SGCD: variants seen among roughly 807,000 people sequenced by gnomAD.
The protein encoded by SGCD is sarcoglycan delta, also known as delta-sarcoglycan.
In SGCD, 18 loss-of-function variants were observed where a neutral mutation model predicts 36.6. The observed-to-expected ratio is 0.49, with a 90% confidence interval of 0.34 to 0.73. The LOEUF (loss-of-function observed/expected upper bound fraction) is 0.73, where lower values mean the gene tolerates loss of function less well. Among genes scored for constraint, SGCD ranks in the 30% least tolerant of loss-of-function variants. The pLI, the probability that SGCD is intolerant of heterozygous loss-of-function variation, is 0.01. For missense variants in SGCD, 387 were observed against 346.7 expected (o/e 1.12, Z -0.92); for synonymous variants, 133 against 130.6 (o/e 1.02, Z -0.12).
chr5:155,827,627 G>C, the SGCD span, among the ~76,000 whole-genome samples: 25 of 150,356 alleles, frequency 1.7e-4, no homozygotes, highest in African/African-American at 5.4e-4. Context: ...TGGGTAATAT[G>C]AGATAATCTT....
the SGCD span, among the ~76,000 whole-genome samples, chr5:155,770,872 C>A: frequency 5.3e-5 from 8 of 152,092 alleles, no homozygotes; most frequent in Non-Finnish European, 8.8e-5. Flanking sequence ...ATTTTCAGTT[C>A]ATTAATCACA....
the SGCD span, among the ~76,000 whole-genome samples, chr5:155,735,362 T>C: frequency 9.5e-3 from 1,448 of 152,314 alleles, 31 homozygotes; most frequent in African/African-American, 0.033. Context: ...ATCTAATTAG[T>C]TGCTCAGAAA....
chr5:156,178,105 T>A (rs1763516217), intron 3 of SGCD, among the ~76,000 whole-genome samples: 1 of 152,162 alleles, frequency 6.6e-6, no homozygotes, highest in Non-Finnish European at 1.5e-5. Flanking sequence ...ATGTTGAATA[T>A]CTCATGTAAT....
intron 1 of SGCD, among the ~76,000 whole-genome samples, chr5:156,069,322 A>G (rs1008601158): frequency 6.6e-6 from 1 of 152,000 alleles, no homozygotes; most frequent in Non-Finnish European, 1.5e-5. Context: ...GAAGGGATCC[A>G]TTTTCAGCTT....
chr5:156,009,356 A>G (rs376785491), intron 1 of SGCD, among the ~76,000 whole-genome samples: 13 of 152,014 alleles, frequency 8.6e-5, no homozygotes, highest in African/African-American at 3.1e-4. Context: ...GGAGGTGCCA[A>G]TTTCTATTGG....
intron 1 of SGCD, among the ~76,000 whole-genome samples, chr5:155,885,742 C>T (rs781563334): frequency 6.6e-6 from 1 of 152,168 alleles, no homozygotes; most frequent in Non-Finnish European, 1.5e-5. Flanking sequence ...ATCAATGTTC[C>T]TTCCATCTCA....
At chr5:155,745,556 A>G in the SGCD span, among the ~76,000 whole-genome samples, 1 of 151,922 alleles carries the variant, frequency 6.6e-6, no homozygotes, top group Admixed American at 6.6e-5. Context: ...TTTATTTAAT[A>G]TTTTTTTCTT....
chr5:156,610,182 C>T lies in SGCD; in HGVS notation c.502+15131C>T, dbSNP rs952783795. 2.6e-5 allele frequency among the ~76,000 whole-genome samples: 4 copies of T among 151,872 alleles called. No homozygotes were observed. In the South Asian group the frequency reaches 8.3e-4, roughly 32 times the overall value. On this transcript the variant is annotated intron_variant, in intron 6 of 8. Coordinates refer to ENST00000337851, the MANE Select transcript of SGCD (RefSeq NM_000337.6). ...TCCCCATCTTTGTAGTTTTATCTAC[C>T]TTTGGTCTTTGATGATGGTGATGTA...
chr5:156,010,273 G>T (rs1273562085), intron 1 of SGCD, among the ~76,000 whole-genome samples: 3 of 152,106 alleles, frequency 2.0e-5, no homozygotes, highest in Non-Finnish European at 4.4e-5. Context: ...TAATCTTTGG[G>T]TTAGGATATT....
chr5:156,349,949 A>G (rs79894354), intron 3 of SGCD, among the ~76,000 whole-genome samples: 44 of 151,992 alleles, frequency 2.9e-4, no homozygotes, highest in Non-Finnish European at 5.6e-4. Context: ...GTATGGAACC[A>G]GAGGCCATTT....
At chr5:156,291,181 A>G (rs1766748233) in intron 3 of SGCD, among the ~76,000 whole-genome samples, 1 of 152,136 alleles carries the variant, frequency 6.6e-6, no homozygotes, top group Admixed American at 6.6e-5. Flanking sequence ...TTAATGTTCA[A>G]TAGCAGAGTA....
intron 3 of SGCD, among the ~76,000 whole-genome samples, chr5:156,224,612 G>A (rs1173313138): frequency 6.6e-6 from 1 of 152,106 alleles, no homozygotes; most frequent in Non-Finnish European, 1.5e-5. Flanking sequence ...GTCTATCTCA[G>A]ATTAACCAAA....
rs1171072619 is a variant in SGCD at position 156,032,706 on chromosome 5, C to CAAAAAAAAAAAAAAAAAAA, written c.-281-85160_-281-85142dup. The stretch of plus-strand genomic sequence containing the variant: ...TGGGCGACAGAGCAAGACTCCGTCT[C>CAAAAAAAAAAAAAAAAAAA]AAAAAAAAAAAAAAAAAAAAAAAAA... On this transcript the variant is annotated intron_variant, in intron 1 of 9. Coordinates refer to the SGCD transcript ENST00000517913. Among the ~76,000 whole-genome samples, 15 of 15,066 alleles carry CAAAAAAAAAAAAAAAAAAA rather than the reference C, an allele frequency of 1.0e-3. 5 individuals are homozygous for CAAAAAAAAAAAAAAAAAAA. Among genetic ancestry groups the CAAAAAAAAAAAAAAAAAAA allele is most frequent in the African/African-American group, 2.2e-3 (15 of 6,706 alleles). The allele number at this position is 15,066 out of a possible 152,430, so 9.9% of individuals were successfully genotyped here. A position where few individuals can be genotyped will look rare whatever the true frequency, so the allele number is the denominator to read the frequency against.
At chr5:156,172,400 A>G (rs1395812996) in intron 3 of SGCD, among the ~76,000 whole-genome samples, 1 of 152,250 alleles carries the variant, frequency 6.6e-6, no homozygotes, top group African/African-American at 2.4e-5. Context: ...TCAACGAGGA[A>G]GTCGGGAAGC....
intron 3 of SGCD, among the ~76,000 whole-genome samples, chr5:156,251,372 C>G (rs1181050172): frequency 1.3e-5 from 2 of 152,168 alleles, no homozygotes; most frequent in Non-Finnish European, 2.9e-5. Flanking sequence ...CCTTTTCCCT[C>G]TAAAGCAACT....
intron 7 of SGCD, among the ~76,000 whole-genome samples, chr5:156,705,221 A>G (rs1212175660): frequency 6.6e-6 from 1 of 152,210 alleles, no homozygotes; most frequent in Non-Finnish European, 1.5e-5. Context: ...ACAATTTTAT[A>G]AGTAAATTGC....
chr5:156,255,653 AC>A (rs1355011730), intron 3 of SGCD, among the ~76,000 whole-genome samples: 4 of 151,948 alleles, frequency 2.6e-5, no homozygotes, highest in African/African-American at 9.7e-5. Context: ...TATTGGTAAT[AC>A]TTTTCTTTTT....
chr5:156,380,939 G>A (rs1209334746), intron 3 of SGCD, among the ~76,000 whole-genome samples: 1 of 152,194 alleles, frequency 6.6e-6, no homozygotes, highest in Non-Finnish European at 1.5e-5. Flanking sequence ...CATGGTGGTA[G>A]CATCAGAGTT....
At chr5:155,983,400 A>G (rs963227836) in intron 1 of SGCD, among the ~76,000 whole-genome samples, 4 of 152,144 alleles carry the variant, frequency 2.6e-5, no homozygotes, top group African/African-American at 9.7e-5. Context: ...CCCAGGTTCG[A>G]GTGATTCTCC....
Sources: allele counts gnomAD v4.1 joint callset (sites outside exome capture counted in the v4.1 genomes callset), GRCh38; gene constraint gnomAD v4.1.1; transcripts MANE v1.5; gene names NCBI Gene and HGNC (gene_info 2026-07-23, HGNC 2026-07-21).